ZFYVE1: variants seen among roughly 807,000 people sequenced by gnomAD.
ZFYVE1 encodes the protein zinc finger FYVE domain-containing protein 1.
In ZFYVE1, 30 loss-of-function variants were observed where a neutral mutation model predicts 74.4. The ratio of observed to expected loss-of-function variants is 0.40; its 90% CI spans 0.30 to 0.55. The LOEUF is 0.55. Among genes scored for constraint, ZFYVE1 ranks in the 20% least tolerant of loss-of-function variants. The pLI, the probability that ZFYVE1 is intolerant of heterozygous loss-of-function variation, is 0.42. For synonymous variants in ZFYVE1, 335 were observed against 385.1 expected, an observed-to-expected ratio of 0.87 and a Z score of 1.52; for missense variants, 703 against 1,011.6, an observed-to-expected ratio of 0.69 and a Z score of 4.14.
At chr14:73,014,432 A>G (rs1894149749) in intron 2 of ZFYVE1, among the ~76,000 whole-genome samples, 1 of 152,214 alleles carries the variant, frequency 6.6e-6, no homozygotes, top group Admixed American at 6.5e-5. Flanking sequence ...ACTAAACAAA[A>G]GGGGCTTTTA....
chr14:72,996,045 T>C (rs1893741346), intron 3 of ZFYVE1, among the ~76,000 whole-genome samples: 1 of 152,128 alleles, frequency 6.6e-6, no homozygotes, highest in South Asian at 2.1e-4. Context: ...CCACCCATGA[T>C]CTGATCCCTG....
chr14:72,974,343 G>A (rs1186233083), intron 10 of ZFYVE1, 150 bp from the exon 11 acceptor site: 2 of 715,132 alleles, frequency 2.8e-6, no homozygotes, highest in Admixed American at 2.4e-5. Context: ...CTGTGGGTCA[G>A]GTCAGCCCAG....
At chr14:72,979,488 C>A (rs1893267382) in intron 5 of ZFYVE1, among the ~76,000 whole-genome samples, 1 of 151,548 alleles carries the variant, frequency 6.6e-6, no homozygotes, top group African/African-American at 2.4e-5. Flanking sequence ...CCCGTCTCTA[C>A]TAAAAATACA....
chr14:73,010,344 G>A (rs1410067634), intron 2 of ZFYVE1, among the ~76,000 whole-genome samples: 1 of 152,068 alleles, frequency 6.6e-6, no homozygotes, highest in African/African-American at 2.4e-5. Context: ...GCTCATGCCT[G>A]TAATCCCAGC....
chr14:72,993,202 G>C lies in ZFYVE1; in HGVS notation c.1144C>G (p.Leu382Val). ...SGLRRALEQL[L>V]ENNTTRSPRH... ...GGAGAACGGGTGGTGTTATTCTCTA[G>C]TAGCTGCTCCAAAGCACGCCGAAGC... Residue 382 changes from leucine to valine, a missense_variant, in exon 4 of 12, where the codon CTA becomes GTA. Leu to Val is a conservative substitution (Grantham distance 32). This residue lies in a region of ZFYVE1 where 492 missense variants were observed against 790.0 expected (regional missense o/e 0.62). Coordinates refer to ENST00000556143, the MANE Select transcript of ZFYVE1 (RefSeq NM_021260.4). 1.2e-6 allele frequency: 2 copies of C among 1,613,816 alleles called. No homozygotes were observed. The highest frequency in any genetic ancestry group is 1.7e-6 in the Non-Finnish European group (2 of 1,179,934).
intron 8 of ZFYVE1, among the ~76,000 whole-genome samples, chr14:72,976,847 A>G (rs145650596): frequency 2.4e-4 from 36 of 152,228 alleles, no homozygotes; most frequent in African/African-American, 8.7e-4. Flanking sequence ...TATAGGATCC[A>G]GGAAAGCTCA....
intron 2 of ZFYVE1, among the ~76,000 whole-genome samples, chr14:73,017,991 C>T (rs997158596): frequency 6.6e-6 from 1 of 152,212 alleles, no homozygotes; most frequent in African/African-American, 2.4e-5. Flanking sequence ...CACCTCTTCC[C>T]TTACCATTCT....
Position 73,024,816 on chromosome 14 carries a change from G to T in ZFYVE1, c.-308C>A. 1 of 291,426 alleles carries T rather than the reference G, an allele frequency of 3.4e-6. No individual in the cohort carries two copies. Among genetic ancestry groups the T allele is most frequent in the Non-Finnish European group, 6.4e-6 (1 of 156,254 alleles). 18.1% of individuals were successfully genotyped at this position (291,426 alleles called of 1,614,324 possible). On this transcript the variant is annotated 5_prime_UTR_variant, in exon 2 of 12. Coordinates refer to ENST00000556143, the MANE Select transcript of ZFYVE1 (RefSeq NM_021260.4). ...AAGGGTCTTTTATGGCTATCTGAGA[G>T]AGGTCTGATGGGTTCACGGTGGTGG...
rs1486070768 is a variant in ZFYVE1, at chr14:73,027,072, T to C, written c.-581A>G. On this transcript the variant is annotated 5_prime_UTR_variant, in exon 1 of 12. Transcript: ENST00000556143. ...CTTCGTTGCCTCCCGGGCTTCCTCCTCTCCTGTTGTCAGTTGGGATCAGCT... is the reference window on the plus strand; with the variant it reads ...CTTCGTTGCCTCCCGGGCTTCCTCCCCTCCTGTTGTCAGTTGGGATCAGCT... 5.0e-6 allele frequency: 2 copies of C among 399,134 alleles called. No homozygotes were observed. Among genetic ancestry groups the C allele is most frequent in the South Asian group, 1.3e-4 (1 of 7,880 alleles). 24.7% of individuals were successfully genotyped at this position (399,134 alleles called of 1,614,324 possible).
At chr14:73,017,540 C>G (rs1262909439) in intron 2 of ZFYVE1, among the ~76,000 whole-genome samples, 1 of 152,170 alleles carries the variant, frequency 6.6e-6, no homozygotes, top group African/African-American at 2.4e-5. Context: ...TTAGTTTTAT[C>G]AATTTCACAC....
intron 2 of ZFYVE1, among the ~76,000 whole-genome samples, chr14:73,007,369 A>C (rs1426065007): frequency 1.3e-5 from 2 of 152,078 alleles, no homozygotes; most frequent in African/African-American, 4.8e-5. Flanking sequence ...AATCTGTACC[A>C]ACTACAATCA....
intron 2 of ZFYVE1, among the ~76,000 whole-genome samples, chr14:73,005,189 G>A (rs1221239181): frequency 2.0e-5 from 3 of 151,216 alleles, no homozygotes; most frequent in South Asian, 2.1e-4. Flanking sequence ...AGCCAGAAAG[G>A]AGAGAACAGC....
intron 2 of ZFYVE1, among the ~76,000 whole-genome samples, chr14:73,016,337 C>A (rs1180107129): frequency 1.3e-5 from 2 of 152,198 alleles, no homozygotes; most frequent in African/African-American, 4.8e-5. Context: ...CGGTGAAACC[C>A]CGTCTCTACT....
At chr14:73,007,937 G>T (rs1156750018) in intron 2 of ZFYVE1, among the ~76,000 whole-genome samples, 1 of 152,106 alleles carries the variant, frequency 6.6e-6, no homozygotes, top group Non-Finnish European at 1.5e-5. Flanking sequence ...GTTTTCTGAA[G>T]ACACTGAAGT....
At chr14:72,982,993 A>C (rs1465291067) in intron 4 of ZFYVE1, among the ~76,000 whole-genome samples, 6 of 151,880 alleles carry the variant, frequency 4.0e-5, no homozygotes, top group Non-Finnish European at 8.8e-5. Flanking sequence ...ACAGGCACCC[A>C]CCACCACACC....
chr14:72,978,068 T>A, intron 7 of ZFYVE1, 24 bp from the exon 8 acceptor site: 1 of 1,613,938 alleles, frequency 6.2e-7, no homozygotes, highest in Non-Finnish European at 8.5e-7. Flanking sequence ...AAATCAATAC[T>A]GTTACCCAGC....
Position 72,981,804 on chromosome 14 carries a change from AAGG to A in ZFYVE1, c.1292_1294del (p.Ser431del). On this transcript the variant is annotated inframe_deletion, in exon 5 of 12. Transcript: ENST00000556143. ...CCTTACTTACCCACAGCTGAGGCAC[AAGG>A]AGGAGCAGGTGAAATACTCATCTGG... The A allele has an allele frequency of 6.2e-7, 1 of 1,614,124 alleles. No homozygotes were observed. Among genetic ancestry groups the A allele is most frequent in the Non-Finnish European group, 8.5e-7 (1 of 1,180,022 alleles).
chr14:73,021,265 T>C lies in ZFYVE1; in HGVS notation c.483+2761A>G, dbSNP rs565185383. ...CAGGAGGCTGAGGCAGGAGAATCGC[T>C]TGAACCTGGGAGACGGAGGTTGCAG... is the stretch of plus-strand genomic sequence containing the variant. On this transcript the variant is annotated intron_variant, in intron 2 of 11. Transcript: ENST00000556143. Among the ~76,000 whole-genome samples, 10 of 152,120 alleles carry C rather than the reference T, an allele frequency of 6.6e-5. No individual in the cohort carries two copies. The East Asian group carries it at 1.9e-3, about 29-fold the overall frequency.
At chr14:72,972,607 C>A (rs777002592) in intron 11 of ZFYVE1, among the ~76,000 whole-genome samples, 4 of 152,188 alleles carry the variant, frequency 2.6e-5, no homozygotes, top group Non-Finnish European at 5.9e-5. Context: ...GCCAGCCTTG[C>A]GTAAGCCTGC....
Sources: allele counts gnomAD v4.1 joint callset (sites outside exome capture counted in the v4.1 genomes callset), GRCh38; gene constraint gnomAD v4.1.1; regional missense constraint gnomAD v4.1.1; transcripts MANE v1.5; gene names NCBI Gene and HGNC (gene_info 2026-07-23, HGNC 2026-07-21).